The following TXNRD1 variants were observed in gnomAD, a reference collection of about 807,000 sequenced individuals.
The protein encoded by TXNRD1 is thioredoxin reductase 1.
TXNRD1 carries 57 observed loss-of-function variants against 80.3 expected under a neutral mutation model. That is an observed-to-expected ratio of 0.71 (90% CI 0.57 to 0.89). The LOEUF is 0.89. Ranked by LOEUF, TXNRD1 falls within the 40% of genes least tolerant of loss-of-function variation. The pLI is 0.00. For missense variants in TXNRD1, 730 were observed against 803.0 expected (o/e 0.91, Z 1.10); for synonymous variants, 291 against 285.2 (o/e 1.02, Z -0.20).
At chr12:104,294,669 C>T (rs2034378582) in intron 4 of TXNRD1, among the ~76,000 whole-genome samples, 1 of 152,158 alleles carries the variant, frequency 6.6e-6, no homozygotes, top group South Asian at 2.1e-4. Context: ...TGGCTTGCCA[C>T]CCACAGTCCA....
At chr12:104,255,920 C>T (rs147285094) in intron 2 of TXNRD1, among the ~76,000 whole-genome samples, 1,923 of 152,308 alleles carry the variant, frequency 0.013, 14 homozygotes, top group Non-Finnish European at 0.021. Flanking sequence ...AGATTGTTTT[C>T]AGATTGGTGC....
intron 1 of TXNRD1, among the ~76,000 whole-genome samples, chr12:104,242,810 A>G (rs771678118): frequency 6.6e-6 from 1 of 152,128 alleles, no homozygotes; most frequent in South Asian, 2.1e-4. Flanking sequence ...GGTAGCCTAC[A>G]TGGATTTCTG....
chr12:104,287,175 G>T (rs1593752590), intron 3 of TXNRD1: 2 of 1,574,678 alleles, frequency 1.3e-6, no homozygotes, highest in African/African-American at 1.3e-5. Context: ...CGCGGGGGAC[G>T]GCCTGCCGGC....
intron 1 of TXNRD1, among the ~76,000 whole-genome samples, chr12:104,236,787 CAAAA>C (rs35066909): frequency 8.9e-4 from 100 of 112,870 alleles, no homozygotes; most frequent in African/African-American, 2.9e-3. Flanking sequence ...AAAACTGTCT[CAAAA>C]AAAAAAAAAA....
intron 10 of TXNRD1, among the ~76,000 whole-genome samples, chr12:104,323,520 C>T (rs1256885421): frequency 1.4e-5 from 2 of 145,124 alleles, no homozygotes; most frequent in African/African-American, 2.6e-5. Flanking sequence ...GGCGGCTGGC[C>T]GGGCGGGGGG....
chr12:104,286,680 A>G (rs1392824086), intron 3 of TXNRD1: 1 of 985,558 alleles, frequency 1.0e-6, no homozygotes, highest in Non-Finnish European at 1.2e-6. Context: ...CCAGGATTCT[A>G]AAGACCCTCA....
chr12:104,283,492 C>T lies in TXNRD1; in HGVS notation c.305-5439C>T, dbSNP rs149327420. ...GCCTCGCACTCCTGACCTCGTAATC[C>T]ACCTGCCTCCGCCTCCCAAAGTGTT... is the stretch of plus-strand genomic sequence containing the variant. On this transcript the variant is annotated intron_variant, in intron 3 of 16. Transcript: ENST00000525566. 8.8e-3 allele frequency among the ~76,000 whole-genome samples: 1,343 copies of T among 152,090 alleles called. 22 individuals are homozygous for T. The highest frequency in any genetic ancestry group is 0.031 in the African/African-American group (1,278 of 41,550).
At chr12:104,322,084 C>G (rs1270144573) in intron 10 of TXNRD1, among the ~76,000 whole-genome samples, 1 of 150,206 alleles carries the variant, frequency 6.7e-6, no homozygotes, top group Non-Finnish European at 1.5e-5. Flanking sequence ...AGAATATGAA[C>G]TTTGGGATCA....
At chr12:104,286,513 C>T (rs1356967705) in intron 3 of TXNRD1, among the ~76,000 whole-genome samples, 1 of 152,074 alleles carries the variant, frequency 6.6e-6, no homozygotes, top group East Asian at 1.9e-4. Context: ...CTTTAGGGAA[C>T]TGCCAAACTG....
At chr12:104,337,450 G>A (rs2135879897) in intron 15 of TXNRD1, among the ~76,000 whole-genome samples, 1 of 152,160 alleles carries the variant, frequency 6.6e-6, no homozygotes, top group East Asian at 1.9e-4. Context: ...GAGTGCATCA[G>A]ATTTCTCTGC....
chr12:104,265,113 G>C (rs1256651086), intron 3 of TXNRD1, among the ~76,000 whole-genome samples: 1 of 152,054 alleles, frequency 6.6e-6, no homozygotes, highest in African/African-American at 2.4e-5. Flanking sequence ...TTAGCTGGGC[G>C]TGGTGGCATG....
intron 3 of TXNRD1, among the ~76,000 whole-genome samples, chr12:104,267,661 C>CTTTCTTTCTTTCTTTCTTTCTTTCTTTG (rs2033541092): frequency 9.0e-4 from 29 of 32,050 alleles, no homozygotes; most frequent in South Asian, 2.9e-3. Context: ...TTCTTTCTTT[C>CTTTCTTTCTTTCTTTCTTTCTTTCTTTG]TTTCTTTCTT....
At chr12:104,275,681 C>T (rs1448362604) in intron 3 of TXNRD1, among the ~76,000 whole-genome samples, 3 of 152,190 alleles carry the variant, frequency 2.0e-5, no homozygotes, top group Non-Finnish European at 4.4e-5. Context: ...CTGCACCCAG[C>T]CTTGAGTTAA....
intron 3 of TXNRD1, among the ~76,000 whole-genome samples, chr12:104,267,696 T>TCTTTCTTTCTTTCTTTCTTTCTTA (rs2033550783): frequency 2.5e-5 from 1 of 39,390 alleles, no homozygotes; most frequent in African/African-American, 9.8e-5. Context: ...TTTCTTTCTT[T>TCTTTCTTTCTTTCTTTCTTTCTTA]CTTTCTCTCT....
At chr12:104,286,771 C>T in intron 3 of TXNRD1, 2 of 1,022,452 alleles carry the variant, frequency 2.0e-6, no homozygotes, top group Non-Finnish European at 2.4e-6. Context: ...CACACTTATT[C>T]CAAATTTGGT....
intron 3 of TXNRD1, among the ~76,000 whole-genome samples, chr12:104,273,175 A>G (rs1403146388): frequency 2.0e-5 from 3 of 152,138 alleles, no homozygotes; most frequent in Non-Finnish European, 2.9e-5. Context: ...CTTCCACTAC[A>G]ATGGGCTTAT....
chr12:104,267,774 C>G (rs2033563047), intron 3 of TXNRD1, among the ~76,000 whole-genome samples: 1 of 138,060 alleles, frequency 7.2e-6, no homozygotes, highest in Non-Finnish European at 1.5e-5. Flanking sequence ...CTTCCCTTTC[C>G]TTCCCTTCCC....
At chr12:104,305,189 A>C in intron 4 of TXNRD1, 1 of 324,764 alleles carries the variant, frequency 3.1e-6, no homozygotes, top group South Asian at 1.0e-4. Flanking sequence ...TAATAAAAAC[A>C]AGTTTTGGAT....
In TXNRD1 at chr12:104,316,411, A is replaced by G. The variant is rs549265619; in HGVS notation, c.730+515A>G. Among the ~76,000 whole-genome samples the G allele has an allele frequency of 9.2e-5, 14 of 152,186 alleles. No individual in the cohort carries two copies. The East Asian group carries it at 2.7e-3, about 29-fold the overall frequency. ...ATTTTTATTTATTTATTTATTTGAG[A>G]CGGAGTCTCACTCTGTCGCCCAGGC... On this transcript the variant is annotated intron_variant, in intron 7 of 16. Transcript: ENST00000525566.
Sources: gnomAD v4.1 joint callset for allele counts (sites outside exome capture counted in the v4.1 genomes callset) on GRCh38, gnomAD v4.1.1 for gene constraint, MANE v1.5 for transcripts, NCBI Gene and HGNC (gene_info 2026-07-23, HGNC 2026-07-21) for gene names.